The following KCNA4 variants were observed in gnomAD, a reference collection of about 807,000 sequenced individuals.
KCNA4 encodes potassium voltage-gated channel subfamily A member 4.
A neutral mutation model predicts 37.2 loss-of-function variants in KCNA4; 5 were observed. The ratio of observed to expected loss-of-function variants is 0.13; its 90% CI spans 0.07 to 0.28. The LOEUF (loss-of-function observed/expected upper bound fraction) is 0.28. Ranked by LOEUF, KCNA4 falls within the 10% of genes least tolerant of loss-of-function variation. The pLI, the probability that KCNA4 is intolerant of heterozygous loss-of-function variation, is 1.00. For synonymous variants in KCNA4, 350 were observed against 311.8 expected (o/e 1.12, Z -1.29); for missense variants, 634 against 817.4 (o/e 0.78, Z 2.74).
rs1308099411 is a variant in KCNA4 at position 30,011,002 on chromosome 11, A to G, written c.1677T>C (p.Ile559=). Residue 559 remains isoleucine (I), a synonymous_variant, in exon 2 of 2, where the codon ATT becomes ATC. Coordinates refer to ENST00000328224, the MANE Select transcript of KCNA4 (RefSeq NM_002233.4). This position sits in a 1 kb window ranked among gnomAD's most constrained non-coding sequence, Gnocchi z 5.6. ...GGTAGAAATAGTTAAAGTTAGAGAC[A>G]ATCACTGGCACTGGCAAAGCAATGG... ...VLTIALPVPV[I]VSNFNYFYHR... 1 of 1,614,214 alleles carries G rather than the reference A, an allele frequency of 6.2e-7. No individual in the cohort carries two copies.
chr11:30,010,713 A>T lies in KCNA4; in HGVS notation c.*4T>A. 6.3e-7 allele frequency: 1 copy of T among 1,583,462 alleles called. No individual in the cohort carries two copies. The highest frequency in any genetic ancestry group is 8.6e-7 in the Non-Finnish European group (1 of 1,165,772). The stretch of plus-strand genomic sequence containing the variant: ...GGGGGGAGCAGTGGCAGGTGGAAAA[A>T]GATTCACACATCAGTCTCCACAGCC... On this transcript the variant is annotated 3_prime_UTR_variant, in exon 2 of 2. Transcript: ENST00000328224.
At chr11:30,015,660 G>A (rs775940099) in intron 1 of KCNA4, among the ~76,000 whole-genome samples, 7 of 152,000 alleles carry the variant, frequency 4.6e-5, no homozygotes, top group Non-Finnish European at 1.0e-4. Flanking sequence ...AGAAAGAAAG[G>A]GAGAGAGAAA....
rs761053070 is a variant in KCNA4, at chr11:30,012,541, C to T, written c.138G>A (p.Ala46=). 5.3e-5 allele frequency: 85 copies of T among 1,607,840 alleles called. No individual in the cohort carries two copies. Among genetic ancestry groups the T allele is most frequent in the South Asian group, 4.1e-4 (37 of 91,064 alleles). The part of the protein sequence containing the change: ...SRAAAAAAVA[A]ATAAVEGSGG... ...CGCTACCTTCGACAGCAGCTGTGGC[C>T]GCTGCAACAGCAGCTGCTGCAGCTG... Residue 46 remains alanine, a synonymous_variant, in exon 2 of 2, where the codon GCG becomes GCA. Transcript: ENST00000328224.
At position 30,014,044 on chromosome 11, in the gene KCNA4, C is replaced by G. The variant is rs189546795; in HGVS notation, c.-782-584G>C. Among the ~76,000 whole-genome samples the G allele has an allele frequency of 5.3e-5, 8 of 152,260 alleles. No individual in the cohort carries two copies. In the East Asian group the frequency reaches 1.5e-3, roughly 29 times the overall value. ...AAATAATAACACAACCTCCCCCATC[C>G]CATGTTTGTAAGGATTAAATGAGAT... On this transcript the variant is annotated intron_variant, in intron 1 of 1. Coordinates refer to ENST00000328224, the MANE Select transcript of KCNA4 (RefSeq NM_002233.4).
rs1469353355 is a variant in KCNA4, at chr11:30,011,911, C to T, written c.768G>A (p.Val256=). Residue 256 remains valine, a synonymous_variant, in exon 2 of 2, where the codon GTG becomes GTA. Transcript: ENST00000328224. The surrounding 1 kb of genome is among the most constrained non-coding windows in gnomAD (Gnocchi z 5.6). The part of the protein sequence containing the change: ...NVPFDIFTEE[V]KFYQLGEEAL... ...CCTCCTCCCCCAACTGATAGAACTT[C>T]ACCTCCTCAGTGAAGATATCAAAGG... 3 of 1,614,040 alleles carry T rather than the reference C, an allele frequency of 1.9e-6. No homozygotes were observed. The Admixed American group carries it at 5.0e-5, about 27-fold the overall frequency.
chr11:30,014,734 C>A (rs1316046055), intron 1 of KCNA4, among the ~76,000 whole-genome samples: 1 of 152,078 alleles, frequency 6.6e-6, no homozygotes, highest in South Asian at 2.1e-4. Context: ...CTCAGCCAGG[C>A]CCTGTAAAAG....
chr11:30,011,161 G>T lies in KCNA4; in HGVS notation c.1518C>A (p.Thr506=). The change falls in exon 2 of 2, where the codon ACC becomes ACA. Residue 506 remains threonine (T), a synonymous_variant. Transcript: ENST00000328224. The surrounding 1 kb of genome is among the most constrained non-coding windows in gnomAD (Gnocchi z 5.6). ...ATGCATCTGGGATGCTTTGGAAATG[G>T]GTAGTAGGTTCATCCGCCTCTGCAA... The part of the protein sequence containing the change: ...VYFAEADEPT[T]HFQSIPDAFW... 1 of 1,614,132 alleles carries T rather than the reference G, an allele frequency of 6.2e-7. No individual in the cohort carries two copies. The highest frequency in any genetic ancestry group is 8.5e-7 in the Non-Finnish European group (1 of 1,180,042).
In KCNA4 at chr11:30,011,253, G is replaced by T. The variant is rs759079999; in HGVS notation, c.1426C>A (p.Arg476=). 5 of 1,614,116 alleles carry T rather than the reference G, an allele frequency of 3.1e-6. No individual in the cohort carries two copies. The highest frequency in any genetic ancestry group is 2.7e-5 in the African/African-American group (2 of 75,032). ...ILGHTLRASM[R]ELGLLIFFLF... is the part of the protein sequence containing the mutation. ...AAGAAGATCAGAAGGCCCAGTTCCC[G>T]CATGCTGGCTCTGAGGGTGTGGCCC... is the stretch of plus-strand genomic sequence containing the variant. The change falls in exon 2 of 2, where the codon CGG becomes AGG. Residue 476 remains arginine (R), a synonymous_variant. Transcript: ENST00000328224. This position sits in a 1 kb window ranked among gnomAD's most constrained non-coding sequence, Gnocchi z 5.6.
Position 30,016,665 on chromosome 11 carries a change from A to G in KCNA4, c.-876T>C, listed in dbSNP as rs867518400. 197 of 238,148 alleles carry G rather than the reference A, an allele frequency of 8.3e-4. 2 individuals are homozygous for G. In the Middle Eastern group the frequency reaches 0.013, roughly 16 times the overall value. 14.8% of individuals were successfully genotyped at this position (238,148 alleles called of 1,614,324 possible). ...CTGCAACAGCTGGAGGAGGGGAAGA[A>G]TGATCCTGGGTGGGGGGCGGGGGGT... On this transcript the variant is annotated 5_prime_UTR_variant, in exon 1 of 2. Transcript: ENST00000328224.
At chr11:30,014,465 A>ACTAT (rs1463273376) in intron 1 of KCNA4, among the ~76,000 whole-genome samples, 3 of 151,844 alleles carry the variant, frequency 2.0e-5, no homozygotes, top group Admixed American at 6.6e-5. Flanking sequence ...TGCTCAAGGG[A>ACTAT]CTATCTCCTT....
In KCNA4 at chr11:30,011,384, C is replaced by T. The variant is rs1564935723; in HGVS notation, c.1295G>A (p.Gly432Asp). Residue 432 changes from glycine (G) to aspartate (D), a missense_variant, in exon 2 of 2, where the codon GGT becomes GAT. By Grantham distance (94) the Gly-to-Asp change is moderately conservative. Transcript: ENST00000328224. The surrounding 1 kb of genome is among the most constrained non-coding windows in gnomAD (Gnocchi z 5.6). Reference sequence around the variant, plus strand: ...AAAGGACATGGCCTGCTGCTGCTGACCATTGCCACCCCCCTGTTGCTGGGC... The same window carrying T: ...AAAGGACATGGCCTGCTGCTGCTGATCATTGCCACCCCCCTGTTGCTGGGC... ...DLAQQQGGGNGQQQQAMSFAI... is the reference protein window; with the variant it reads ...DLAQQQGGGNDQQQQAMSFAI... 6.2e-7 allele frequency: 1 copy of T among 1,614,108 alleles called. No homozygotes were observed. Among genetic ancestry groups the T allele is most frequent in the Non-Finnish European group, 8.5e-7 (1 of 1,180,034 alleles).
At chr11:30,015,406 T>C (rs1850341938) in intron 1 of KCNA4, among the ~76,000 whole-genome samples, 1 of 152,184 alleles carries the variant, frequency 6.6e-6, no homozygotes, top group South Asian at 2.1e-4. Flanking sequence ...AGTTGAATAC[T>C]ACACACACTG....
intron 1 of KCNA4, among the ~76,000 whole-genome samples, chr11:30,014,415 C>T (rs1253558896): frequency 2.6e-5 from 4 of 152,148 alleles, no homozygotes; most frequent in African/African-American, 4.8e-5. Context: ...CTCTCCTTGG[C>T]GGTCACTCCA....
chr11:30,009,849 GA>G lies in KCNA4; in HGVS notation c.*867del, dbSNP rs562015796. ...TGCATGATCATTAGTCTCACACAATGAAAAGAAAACAATAAAATAAGACTAA... is the reference window on the plus strand; with the variant it reads ...TGCATGATCATTAGTCTCACACAATGAAAGAAAACAATAAAATAAGACTAA... On this transcript the variant is annotated 3_prime_UTR_variant, in exon 2 of 2. Transcript: ENST00000328224. 1.2e-3 allele frequency: 184 copies of G among 152,066 alleles called. 1 individual carries two copies. Among genetic ancestry groups the G allele is most frequent in the African/African-American group, 4.2e-3 (175 of 41,522 alleles). The allele number at this position is 152,066 out of a possible 1,614,324, so 9.4% of individuals were successfully genotyped here.
At chr11:30,014,242 T>A (rs1392208101) in intron 1 of KCNA4, among the ~76,000 whole-genome samples, 1 of 152,146 alleles carries the variant, frequency 6.6e-6, no homozygotes, top group Non-Finnish European at 1.5e-5. Flanking sequence ...CGTGAGGACA[T>A]ACAAGACATC....
chr11:30,014,827 A>G (rs2133456448), intron 1 of KCNA4, among the ~76,000 whole-genome samples: 1 of 152,258 alleles, frequency 6.6e-6, no homozygotes, highest in South Asian at 2.1e-4. Flanking sequence ...GGAGTAACCC[A>G]GAGAACTGGA....
chr11:30,010,723 A>G lies in KCNA4; in HGVS notation c.1956T>C (p.Asp652=). 1 of 1,595,606 alleles carries G rather than the reference A, an allele frequency of 6.3e-7. No individual in the cohort carries two copies. ...GTGGCAGGTGGAAAAAGATTCACAC[A>G]TCAGTCTCCACAGCCTTTGCATTAG... ...NCSNAKAVET[D]V Residue 652 remains aspartate (D), a synonymous_variant, in exon 2 of 2, where the codon GAT becomes GAC. Transcript: ENST00000328224.
chr11:30,010,738 C>T lies in KCNA4; in HGVS notation c.1941G>A (p.Lys647=). Residue 647 remains lysine (K), a synonymous_variant, in exon 2 of 2, where the codon AAG becomes AAA. Coordinates refer to ENST00000328224, the MANE Select transcript of KCNA4 (RefSeq NM_002233.4). The part of the protein sequence containing the change: ...ETDKNNCSNA[K]AVETDV ...AGATTCACACATCAGTCTCCACAGC[C>T]TTTGCATTAGAACAGTTGTTTTTAT... 6.2e-7 allele frequency: 1 copy of T among 1,609,554 alleles called. No individual in the cohort carries two copies. Among genetic ancestry groups the T allele is most frequent in the Non-Finnish European group, 8.5e-7 (1 of 1,177,924 alleles).
chr11:30,011,644 G>A lies in KCNA4; in HGVS notation c.1035C>T (p.Gly345=), dbSNP rs3802914. 0.17 allele frequency: 268,786 copies of A among 1,613,708 alleles called. 24,391 individuals carry two copies. Among genetic ancestry groups the A allele is most frequent in the African/African-American group, 0.3 (22,797 of 74,854 alleles). The change falls in exon 2 of 2, where the codon GGC becomes GGT. Residue 345 remains glycine, a synonymous_variant. Transcript: ENST00000328224. This position sits in a 1 kb window ranked among gnomAD's most constrained non-coding sequence, Gnocchi z 5.6. ...DRDLVMALSA[G]GHGGLLNDTS... The stretch of plus-strand genomic sequence containing the variant: ...TATCATTCAACAACCCACCATGCCC[G>A]CCAGCACTCAGTGCCATGACGAGAT...
Sources: allele counts gnomAD v4.1 joint callset (sites outside exome capture counted in the v4.1 genomes callset), GRCh38; gene constraint gnomAD v4.1.1; non-coding constraint Gnocchi (gnomAD v3.1); transcripts MANE v1.5; gene names NCBI Gene and HGNC (gene_info 2026-07-23, HGNC 2026-07-21).